Variants in PSIP1 observed in about 807,000 individuals in gnomAD.
PSIP1 encodes PC4 and SFRS1-interacting protein.
Under a neutral mutation model 74.7 loss-of-function variants are expected in PSIP1, and 19 were observed. The ratio of observed to expected loss-of-function variants is 0.25; its 90% confidence interval spans 0.18 to 0.37. The LOEUF is 0.37. PSIP1 is among the 10% of genes least tolerant of loss of function. PSIP1 has a pLI of 1.00. For synonymous variants in PSIP1, 222 were observed against 195.3 expected, an observed-to-expected ratio of 1.14 and a Z score of -1.14; for missense variants, 601 against 614.3, an observed-to-expected ratio of 0.98 and a Z score of 0.23.
At chr9:15,503,365 CAAAAAATA>C (rs144220807) in intron 3 of PSIP1, among the ~76,000 whole-genome samples, 2,404 of 147,848 alleles carry the variant, frequency 0.016, 41 homozygotes, top group East Asian at 0.095. Flanking sequence ...GACTCCATCA[CAAAAAATA>C]AAAAAATAAA....
At chr9:15,478,656 G>C (rs2036202807) in intron 7 of PSIP1, 104 bp from the exon 8 acceptor site, 5 of 790,810 alleles carry the variant, frequency 6.3e-6, no homozygotes, top group Non-Finnish European at 1.1e-5. Flanking sequence ...AAGAATATTA[G>C]TAGCTTATTA....
chr9:15,499,905 C>T (rs909217338), intron 3 of PSIP1, among the ~76,000 whole-genome samples: 6 of 149,258 alleles, frequency 4.0e-5, no homozygotes, highest in South Asian at 2.1e-4. Flanking sequence ...AAGTCACATA[C>T]ACAAAACAGG....
At chr9:15,485,695 T>C (rs562920655) in intron 6 of PSIP1, among the ~76,000 whole-genome samples, 6 of 152,300 alleles carry the variant, frequency 3.9e-5, no homozygotes, top group African/African-American at 1.4e-4. Context: ...TTCACATATG[T>C]TAAATCATTT....
At chr9:15,471,121 G>C (rs770286123) in intron 10 of PSIP1, 24 of 1,599,494 alleles carry the variant, frequency 1.5e-5, no homozygotes, top group African/African-American at 2.7e-5. Context: ...TCTGTATCAA[G>C]ATCTTCATCT....
intron 4 of PSIP1, chr9:15,489,242 T>C (rs2036711092): frequency 1.3e-5 from 2 of 152,178 alleles, no homozygotes; most frequent in South Asian, 2.1e-4. Context: ...ATAATTTGCA[T>C]AGTGCTGTAA....
In PSIP1 at chr9:15,465,365, G is replaced by C. The variant is rs547860139; in HGVS notation, c.*155C>G. ...CTGCACAAGTACACTTAGCGATAAT[G>C]TTTACTTTACTTTAAAACAAAGGGA... On this transcript the variant is annotated 3_prime_UTR_variant, in exon 16 of 16. Transcript: ENST00000380733. 13 of 636,460 alleles carry C rather than the reference G, an allele frequency of 2.0e-5. No individual in the cohort carries two copies. In the South Asian group the frequency reaches 2.7e-4, roughly 13 times the overall value. The allele number at this position is 636,460 out of a possible 1,614,324, so 39.4% of individuals were successfully genotyped here. A position where few individuals can be genotyped will look rare whatever the true frequency, so the allele number is the denominator to read the frequency against.
In PSIP1 at chr9:15,474,162, T is replaced by C; in HGVS notation, c.705A>G (p.Glu235=). Residue 235 remains glutamate (E), a synonymous_variant, in exon 9 of 16, where the codon GAA becomes GAG. Transcript: ENST00000380733. ...KQPKKQPKKD[E]EGQKEEDKPR... ...GCTTATCTTCTTCCTTCTGGCCCTC[T>C]TCATCCTTCTTAGGCTGCTTTTTAG... The C allele has an allele frequency of 6.2e-7, 1 of 1,613,644 alleles. No individual in the cohort carries two copies. Among genetic ancestry groups the C allele is most frequent in the South Asian group, 1.1e-5 (1 of 91,062 alleles).
At chr9:15,490,149 G>T in intron 3 of PSIP1, 25 bp from the exon 4 acceptor site, 1 of 1,555,866 alleles carries the variant, frequency 6.4e-7, no homozygotes, top group South Asian at 1.2e-5. Context: ...GGGAAGATGT[G>T]AGTGCAAAGC....
chr9:15,506,140 G>T (rs1027092900), intron 3 of PSIP1: 1 of 154,108 alleles, frequency 6.5e-6, no homozygotes, highest in Non-Finnish European at 1.4e-5. Context: ...TAAACACATG[G>T]AGGGAACTAG....
In PSIP1 at chr9:15,497,844, C is replaced by A. The variant is rs551148875; in HGVS notation, c.150-7720G>T. ...TAATCCACAATCTCACCAACTAAAT[C>A]TACTGTTTTCAGCCCACTTATTTGT... On this transcript the variant is annotated intron_variant, in intron 3 of 15. Coordinates refer to ENST00000380733, the MANE Select transcript of PSIP1 (RefSeq NM_033222.5). Among the ~76,000 whole-genome samples, 10 of 152,262 alleles carry A rather than the reference C, an allele frequency of 6.6e-5. 1 individual carries two copies. The South Asian group carries it at 2.1e-3, about 32-fold the overall frequency.
rs546413842 is a variant in PSIP1, at chr9:15,499,203, T to C, written c.149+7358A>G. 1.4e-4 allele frequency among the ~76,000 whole-genome samples: 22 copies of C among 152,322 alleles called. 1 individual carries two copies. The East Asian group carries it at 2.1e-3, about 15-fold the overall frequency. On this transcript the variant is annotated intron_variant, in intron 3 of 15. Transcript: ENST00000380733. ...GAGGTTTTGGACTTTCCTTTAACCA[T>C]TGTAATACAGTCTTTGAAACATCTC...
intron 10 of PSIP1, chr9:15,471,376 G>T: frequency 1.3e-6 from 2 of 1,542,132 alleles, no homozygotes; most frequent in Non-Finnish European, 8.8e-7. Flanking sequence ...TAGAATTTGA[G>T]AAAGTTACAT....
At chr9:15,497,950 G>A (rs904801483) in intron 3 of PSIP1, among the ~76,000 whole-genome samples, 1 of 152,074 alleles carries the variant, frequency 6.6e-6, no homozygotes, top group Non-Finnish European at 1.5e-5. Flanking sequence ...ATTAAAATGA[G>A]TATCTTTTTA....
intron 14 of PSIP1, among the ~76,000 whole-genome samples, chr9:15,468,105 G>T (rs2035706756): frequency 7.3e-6 from 1 of 136,280 alleles, no homozygotes; most frequent in Admixed American, 8.0e-5. Flanking sequence ...TGGACAACAA[G>T]AGCGAAACTC....
chr9:15,495,718 T>C (rs188656551), intron 3 of PSIP1, among the ~76,000 whole-genome samples: 2 of 152,340 alleles, frequency 1.3e-5, no homozygotes, highest in Non-Finnish European at 2.9e-5. Context: ...ATGCTTTCAA[T>C]GATGTGAAAT....
At chr9:15,473,922 A>C (rs1371066809) in intron 9 of PSIP1, 87 bp downstream of exon 9, 1 of 889,240 alleles carries the variant, frequency 1.1e-6, no homozygotes, top group African/African-American at 2.0e-5. Context: ...AAACAAAAAA[A>C]AAAACAAAAA....
At chr9:15,503,899 A>G (rs2037459221) in intron 3 of PSIP1, among the ~76,000 whole-genome samples, 2 of 152,040 alleles carry the variant, frequency 1.3e-5, no homozygotes, top group Non-Finnish European at 2.9e-5. Flanking sequence ...GGTGCACACT[A>G]CCATGCCAGG....
chr9:15,489,232 A>G (rs1452009549), intron 4 of PSIP1: 2 of 152,168 alleles, frequency 1.3e-5, no homozygotes, highest in Non-Finnish European at 2.9e-5. Flanking sequence ...ACCAATAAAT[A>G]TAATTTGCAT....
At chr9:15,489,922 C>A in intron 4 of PSIP1, 64 bp downstream of exon 4, 1 of 1,303,604 alleles carries the variant, frequency 7.7e-7, no homozygotes. Context: ...TTTCCTACAG[C>A]TAGGATAGTG....
Sources: gnomAD v4.1 joint callset for allele counts (sites outside exome capture counted in the v4.1 genomes callset) on GRCh38, gnomAD v4.1.1 for gene constraint, MANE v1.5 for transcripts, NCBI Gene and HGNC (gene_info 2026-07-23, HGNC 2026-07-21) for gene names.